The following CNTROB variants were observed in gnomAD, a reference collection of about 807,000 sequenced individuals.
CNTROB encodes centrobin.
Under a neutral mutation model 115.7 loss-of-function variants are expected in CNTROB, and 82 were observed. The ratio of observed to expected loss-of-function variants is 0.71; its 90% CI spans 0.59 to 0.85. The LOEUF (loss-of-function observed/expected upper bound fraction) is 0.85, where lower values mean the gene tolerates loss of function less well. Ranked by LOEUF, CNTROB falls within the 40% of genes least tolerant of loss-of-function variation. The pLI is 0.00. For missense variants in CNTROB, 1,014 were observed against 1,144.4 expected, an observed-to-expected ratio of 0.89 and a Z score of 1.64; for synonymous variants, 439 against 456.4, an observed-to-expected ratio of 0.96 and a Z score of 0.49.
Position 7,934,975 on chromosome 17 carries a change from C to G in CNTROB, c.438-14C>G. 2 of 1,557,854 alleles carry G rather than the reference C, an allele frequency of 1.3e-6. No individual in the cohort carries two copies. The highest frequency in any genetic ancestry group is 1.7e-6 in the Non-Finnish European group (2 of 1,153,408). ...GCTTTCCCAGCCCTAACATTCTCTA[C>G]CTGATTTGCTCAGCACCCGGCCCCT... On this transcript the variant is annotated splice_polypyrimidine_tract_variant and intron_variant, in intron 3 of 18. Coordinates refer to ENST00000563694, the MANE Select transcript of CNTROB (RefSeq NM_053051.5).
chr17:7,939,841 C>T lies in CNTROB; in HGVS notation c.1164+92C>T. 1 of 1,275,928 alleles carries T rather than the reference C, an allele frequency of 7.8e-7. No individual in the cohort carries two copies. The highest frequency in any genetic ancestry group is 1.1e-6 in the Non-Finnish European group (1 of 889,418). The allele number at this position is 1,275,928 out of a possible 1,614,324, so 79.0% of individuals were successfully genotyped here. A position where few individuals can be genotyped will look rare whatever the true frequency, so the allele number is the denominator to read the frequency against. ...ATGGAATGTTAGAATATGGGGGATACATATAGGCAGGAATGGAGAGTAGAG... is the reference window on the plus strand; with the variant it reads ...ATGGAATGTTAGAATATGGGGGATATATATAGGCAGGAATGGAGAGTAGAG... On this transcript the variant is annotated intron_variant, in intron 8 of 18. Coordinates refer to ENST00000563694, the MANE Select transcript of CNTROB (RefSeq NM_053051.5). The surrounding 1 kb of genome is among the most constrained non-coding windows in gnomAD (Gnocchi z 4.4).
At position 7,940,220 on chromosome 17, in the gene CNTROB, A is replaced by C; in HGVS notation, c.1289A>C (p.Gln430Pro). ...DTARRERDAL[Q>P]LEMSLVQARY... Reference sequence around the variant, plus strand: ...GCTCGGAGAGAGAGAGATGCCCTGCAGCTGGAAATGAGCTTGGTGCAGGTC... The same window carrying C: ...GCTCGGAGAGAGAGAGATGCCCTGCCGCTGGAAATGAGCTTGGTGCAGGTC... The change falls in exon 9 of 19, where the codon CAG becomes CCG. Residue 430 changes from glutamine (Q) to proline (P), a missense_variant. By Grantham distance (76) the Gln-to-Pro change is moderately conservative. Coordinates refer to ENST00000563694, the MANE Select transcript of CNTROB (RefSeq NM_053051.5). 6.2e-7 allele frequency: 1 copy of C among 1,609,984 alleles called. No homozygotes were observed. Among genetic ancestry groups the C allele is most frequent in the Non-Finnish European group, 8.5e-7 (1 of 1,178,964 alleles).
chr17:7,949,262 C>T (rs1974925492), intron 18 of CNTROB, 105 bp downstream of exon 18: 1 of 1,570,664 alleles, frequency 6.4e-7, no homozygotes, highest in Non-Finnish European at 8.8e-7. Flanking sequence ...CCCCTGCATT[C>T]TGTAGCATGG....
chr17:7,946,360 G>A (rs1170548769), intron 13 of CNTROB, among the ~76,000 whole-genome samples: 1 of 152,118 alleles, frequency 6.6e-6, no homozygotes, highest in Non-Finnish European at 1.5e-5. Context: ...TTTACACATG[G>A]GTTTGACCAG....
At position 7,949,329 on chromosome 17, in the gene CNTROB, G is replaced by A. The variant is rs115789565; in HGVS notation, c.2587-56G>A. On this transcript the variant is annotated intron_variant, in intron 18 of 18. Transcript: ENST00000563694. ...TCCACGTGCATTTCCTCAGTGGGGT[G>A]GGGAATTGAGAGGATCTGACGCTGA... 0.012 allele frequency: 19,156 copies of A among 1,606,584 alleles called. 962 individuals are homozygous for A. The South Asian group carries it at 0.12, about 10-fold the overall frequency.
Position 7,939,779 on chromosome 17 carries a change from A to AC in CNTROB, c.1164+31dup. 6.3e-7 allele frequency: 1 copy of AC among 1,595,960 alleles called. No homozygotes were observed. Among genetic ancestry groups the AC allele is most frequent in the Non-Finnish European group, 8.6e-7 (1 of 1,164,158 alleles). Reference sequence around the variant, plus strand: ...AAGTGGCAGTTGGAAGAGCTGAGGAACTAGGGAGTAGATGAAGGGCAAAAT... The same window carrying AC: ...AAGTGGCAGTTGGAAGAGCTGAGGAACCTAGGGAGTAGATGAAGGGCAAAAT... On this transcript the variant is annotated intron_variant, in intron 8 of 18. Coordinates refer to ENST00000563694, the MANE Select transcript of CNTROB (RefSeq NM_053051.5). This position sits in a 1 kb window ranked among gnomAD's most constrained non-coding sequence, Gnocchi z 4.4.
chr17:7,949,183 G>A, intron 18 of CNTROB, 26 bp downstream of exon 18: 1 of 1,607,540 alleles, frequency 6.2e-7, no homozygotes, highest in Non-Finnish European at 8.5e-7. Flanking sequence ...GCAGGGACCA[G>A]GGGAGAAAAG....
In CNTROB at chr17:7,948,192, C is replaced by T; in HGVS notation, c.2245C>T (p.Gln749Ter). The change falls in exon 16 of 19, where the codon CAA (glutamine) becomes TAA (stop). Residue 749 changes from glutamine to a stop codon, truncating the protein, a stop_gained. Transcript: ENST00000563694. LOFTEE classifies it high-confidence loss of function. This position sits in a 1 kb window ranked among gnomAD's most constrained non-coding sequence, Gnocchi z 4.4. ...TGTCCCATCTTGGGAGGAAGCCCCTCAAGTGCCACGTATTCCACCGCCTGT... is the reference window on the plus strand; with the variant it reads ...TGTCCCATCTTGGGAGGAAGCCCCTTAAGTGCCACGTATTCCACCGCCTGT... ...LTVPSWEEAP[Q>*]VPRIPPPVHK... 1.2e-6 allele frequency: 2 copies of T among 1,614,156 alleles called. No homozygotes were observed. Among genetic ancestry groups the T allele is most frequent in the Non-Finnish European group, 8.5e-7 (1 of 1,180,034 alleles).
chr17:7,940,257 G>T lies in CNTROB; in HGVS notation c.1311+15G>T. The T allele has an allele frequency of 6.3e-7, 1 of 1,581,696 alleles. No individual in the cohort carries two copies. Reference sequence around the variant, plus strand: ...GCTTGGTGCAGGTCAGAAGGCAGAGGTTTCTTGAGGTTTTGTTCTGACAGA... The same window carrying T: ...GCTTGGTGCAGGTCAGAAGGCAGAGTTTTCTTGAGGTTTTGTTCTGACAGA... On this transcript the variant is annotated intron_variant, in intron 9 of 18. Coordinates refer to ENST00000563694, the MANE Select transcript of CNTROB (RefSeq NM_053051.5).
chr17:7,948,039 T>A lies in CNTROB; in HGVS notation c.2209+60T>A. ...GCCTAGGAAAGATCGGAGTTGGTTA[T>A]CTAGGATGAATTTTTAGGAGCTGGC... On this transcript the variant is annotated intron_variant, in intron 15 of 18. Transcript: ENST00000563694. The surrounding 1 kb of genome is among the most constrained non-coding windows in gnomAD (Gnocchi z 4.4). 6.3e-7 allele frequency: 1 copy of A among 1,598,300 alleles called. No individual in the cohort carries two copies.
Position 7,944,967 on chromosome 17 carries a change from A to C in CNTROB, c.1734+329A>C, listed in dbSNP as rs1052331950. 5.3e-5 allele frequency among the ~76,000 whole-genome samples: 8 copies of C among 152,216 alleles called. No individual in the cohort carries two copies. Among genetic ancestry groups the C allele is most frequent in the Non-Finnish European group, 8.8e-5 (6 of 68,044 alleles). The stretch of plus-strand genomic sequence containing the variant: ...GGACTTTACAAATAATAACTGCCTC[A>C]GCAAAATAAATCCTTTTTTCCATGG... On this transcript the variant is annotated intron_variant, in intron 12 of 18. Transcript: ENST00000563694. The surrounding 1 kb of genome is among the most constrained non-coding windows in gnomAD (Gnocchi z 4.0).
Position 7,943,285 on chromosome 17 carries a change from C to A in CNTROB, c.1312-106C>A. The A allele has an allele frequency of 1.3e-6, 1 of 754,634 alleles. No homozygotes were observed. Among genetic ancestry groups the A allele is most frequent in the Non-Finnish European group, 2.1e-6 (1 of 474,184 alleles). 46.7% of individuals were successfully genotyped at this position (754,634 alleles called of 1,614,324 possible). A position where few individuals can be genotyped will look rare whatever the true frequency, so the allele number is the denominator to read the frequency against. The stretch of plus-strand genomic sequence containing the variant: ...TTGAGGCAAAATTCTTGTTCTTCAT[C>A]TCATATGAGGGGAAAGTTGGTACTG... On this transcript the variant is annotated intron_variant, in intron 9 of 18. Coordinates refer to ENST00000563694, the MANE Select transcript of CNTROB (RefSeq NM_053051.5). This position sits in a 1 kb window ranked among gnomAD's most constrained non-coding sequence, Gnocchi z 4.7.
chr17:7,948,259 T>C lies in CNTROB; in HGVS notation c.2312T>C (p.Phe771Ser). Residue 771 changes from phenylalanine (F) to serine (S), a missense_variant, in exon 16 of 19, where the codon TTC becomes TCC. Physicochemically the swap from Phe to Ser is radical, Grantham distance 155. Coordinates refer to ENST00000563694, the MANE Select transcript of CNTROB (RefSeq NM_053051.5). This position sits in a 1 kb window ranked among gnomAD's most constrained non-coding sequence, Gnocchi z 4.4. ...KVPLAMASSL[F>S]RVPEPPSSHS... Reference sequence around the variant, plus strand: ...CCCTTAGCCATGGCATCCAGTCTTTTCCGGGTCCCTGAGCCTCCCTCCTCC... The same window carrying C: ...CCCTTAGCCATGGCATCCAGTCTTTCCCGGGTCCCTGAGCCTCCCTCCTCC... The C allele has an allele frequency of 6.2e-7, 1 of 1,614,130 alleles. No individual in the cohort carries two copies. The highest frequency in any genetic ancestry group is 8.5e-7 in the Non-Finnish European group (1 of 1,180,030).
upstream of CNTROB, chr17:7,932,133 A>G (rs9894029): frequency 0.048 from 20,566 of 429,052 alleles, 1,327 homozygotes; most frequent in African/African-American, 0.21. Context: ...GGGATACAGA[A>G]GTGATGTGAG....
intron 12 of CNTROB, among the ~76,000 whole-genome samples, chr17:7,945,129 G>T (rs1040872394): frequency 3.2e-4 from 49 of 152,152 alleles, no homozygotes; most frequent in African/African-American, 1.1e-3. Flanking sequence ...GCCAAAAATT[G>T]TTGCCAAGTC....
At position 7,933,119 on chromosome 17, in the gene CNTROB, G is replaced by C. The variant is rs1278730667; in HGVS notation, c.40G>C (p.Ala14Pro). 1 of 1,614,162 alleles carries C rather than the reference G, an allele frequency of 6.2e-7. No homozygotes were observed. The change falls in exon 1 of 19, where the codon GCG becomes CCG. Residue 14 changes from alanine (A) to proline (P), a missense_variant. By Grantham distance (27) the Ala-to-Pro change is conservative. Transcript: ENST00000563694. ...TGACAGCCCCAGTTCACCCCTCGGGGCGGAGGATCTCCTGAGTGATTCATC... is the reference window on the plus strand; with the variant it reads ...TGACAGCCCCAGTTCACCCCTCGGGCCGGAGGATCTCCTGAGTGATTCATC... ...SADSPSSPLG[A>P]EDLLSDSSEP...
chr17:7,947,731 G>T lies in CNTROB; in HGVS notation c.2145+9G>T, dbSNP rs748021501. The T allele has an allele frequency of 6.2e-7, 1 of 1,607,458 alleles. No individual in the cohort carries two copies. Among genetic ancestry groups the T allele is most frequent in the Non-Finnish European group, 8.5e-7 (1 of 1,175,466 alleles). On this transcript the variant is annotated intron_variant, in intron 14 of 18. Coordinates refer to ENST00000563694, the MANE Select transcript of CNTROB (RefSeq NM_053051.5). ...AGAATTTTTTGCACCAGGTAAGAGA[G>T]ATTCCACCCAGACTAGCTCACTTTC...
chr17:7,932,893 C>A lies in CNTROB; in HGVS notation c.-187C>A. 1.6e-6 allele frequency: 1 copy of A among 628,600 alleles called. No individual in the cohort carries two copies. Among genetic ancestry groups the A allele is most frequent in the Non-Finnish European group, 2.7e-6 (1 of 364,756 alleles). The allele number at this position is 628,600 out of a possible 1,614,324, so 38.9% of individuals were successfully genotyped here. ...GGGATGCTTTTGCCCACTCCCATGG[C>A]CCCTGGAACTGGTGGAAACCTTTCC... On this transcript the variant is annotated 5_prime_UTR_variant, in exon 1 of 19. Transcript: ENST00000563694.
rs1193415594 is a variant in CNTROB, at chr17:7,945,873, C to T, written c.1880C>T (p.Pro627Leu). The T allele has an allele frequency of 6.8e-6, 11 of 1,614,074 alleles. 1 individual carries two copies. The Admixed American group carries it at 8.3e-5, about 12-fold the overall frequency. ...REARDELPGA[P>L]PVLCSSSSDL... The stretch of plus-strand genomic sequence containing the variant: ...GCAAGGGACGAGCTACCTGGAGCGC[C>T]TCCTGTTCTTTGCAGTTCCTCCTCA... The change falls in exon 13 of 19, where the codon CCT becomes CTT. Residue 627 changes from proline to leucine, a missense_variant. Pro to Leu is a moderately conservative substitution (Grantham distance 98). Transcript: ENST00000563694.
Sources: gnomAD v4.1 joint callset for allele counts (sites outside exome capture counted in the v4.1 genomes callset) on GRCh38, gnomAD v4.1.1 for gene constraint, Gnocchi (gnomAD v3.1) non-coding constraint, MANE v1.5 for transcripts, NCBI Gene and HGNC (gene_info 2026-07-23, HGNC 2026-07-21) for gene names.